DLC1: variants seen among roughly 807,000 people sequenced by gnomAD.
DLC1 encodes rho GTPase-activating protein 7.
Under a neutral mutation model 140.3 loss-of-function variants are expected in DLC1, and 54 were observed. That is an observed-to-expected ratio of 0.38 (90% CI 0.31 to 0.48). The LOEUF is 0.48. DLC1 is among the 20% of genes least tolerant of loss of function. The pLI, the probability that DLC1 is intolerant of heterozygous loss-of-function variation, is 0.96. For missense variants in DLC1, 2,536 were observed against 1,907.0 expected, an observed-to-expected ratio of 1.33 and a Z score of -6.14; for synonymous variants, 986 against 728.1, an observed-to-expected ratio of 1.35 and a Z score of -5.70.
upstream of DLC1, among the ~76,000 whole-genome samples, chr8:13,516,885 C>G (rs1208900956): frequency 1.3e-5 from 2 of 152,090 alleles, no homozygotes; most frequent in African/African-American, 4.8e-5. Flanking sequence ...ATACAAAGTG[C>G]CCAGGTCCAC....
At chr8:13,232,409 C>T (rs1829089724) in intron 5 of DLC1, among the ~76,000 whole-genome samples, 1 of 152,096 alleles carries the variant, frequency 6.6e-6, no homozygotes, top group Non-Finnish European at 1.5e-5. Context: ...TCTTGGCTCA[C>T]TGCAACCTCT....
intron 5 of DLC1, among the ~76,000 whole-genome samples, chr8:13,245,324 C>G (rs1330485819): frequency 1.3e-5 from 2 of 152,156 alleles, no homozygotes; most frequent in Non-Finnish European, 2.9e-5. Flanking sequence ...GCCTTTGAAA[C>G]TCTCCTGGCC....
chr8:13,312,381 A>AC (rs1367189892), intron 4 of DLC1, among the ~76,000 whole-genome samples: 1 of 117,180 alleles, frequency 8.5e-6, no homozygotes, highest in African/African-American at 3.5e-5. Context: ...AAAAAAAAAA[A>AC]AAAAAAATAA....
At chr8:13,591,057 T>C (rs538363659) in intron 1 of DLC1, among the ~76,000 whole-genome samples, 25 of 151,998 alleles carry the variant, frequency 1.6e-4, no homozygotes, top group Non-Finnish European at 1.5e-4. Flanking sequence ...TTATATGACA[T>C]GAGATTAGAG....
At chr8:13,147,312 T>C (rs564028445) in intron 5 of DLC1, among the ~76,000 whole-genome samples, 16 of 152,340 alleles carry the variant, frequency 1.1e-4, no homozygotes, top group African/African-American at 3.8e-4. Flanking sequence ...TGAACTTCCC[T>C]AAATTAGTAT....
intron 5 of DLC1, among the ~76,000 whole-genome samples, chr8:13,120,269 G>A (rs1244155686): frequency 6.7e-6 from 1 of 149,030 alleles, no homozygotes. Context: ...CGTGAACCGG[G>A]GAGGCGGAGG....
At chr8:13,251,192 A>T (rs1829989212) in intron 5 of DLC1, among the ~76,000 whole-genome samples, 1 of 152,060 alleles carries the variant, frequency 6.6e-6, no homozygotes, top group Non-Finnish European at 1.5e-5. Context: ...TTAGGGCCCC[A>T]CCCTTATGAC....
At chr8:13,378,488 C>G (rs1836098795) in intron 4 of DLC1, among the ~76,000 whole-genome samples, 1 of 151,750 alleles carries the variant, frequency 6.6e-6, no homozygotes, top group African/African-American at 2.4e-5. Flanking sequence ...AAGGAACATT[C>G]TTGTGCACTA....
intron 5 of DLC1, among the ~76,000 whole-genome samples, chr8:13,229,913 G>A (rs1007635720): frequency 1.3e-5 from 2 of 152,172 alleles, no homozygotes; most frequent in African/African-American, 4.8e-5. Context: ...AGTCCCATGT[G>A]GACCAAAGAA....
intron 4 of DLC1, among the ~76,000 whole-genome samples, chr8:13,368,978 C>T (rs903735684): frequency 5.3e-5 from 8 of 152,140 alleles, no homozygotes; most frequent in African/African-American, 1.9e-4. Context: ...TGCTCACCAC[C>T]ATGCCTGGCT....
At chr8:13,279,549 G>T (rs1403997090) in intron 5 of DLC1, among the ~76,000 whole-genome samples, 1 of 152,166 alleles carries the variant, frequency 6.6e-6, no homozygotes. Context: ...GCATTTTTGA[G>T]CAAGGCAAAC....
At chr8:13,586,354 A>G (rs1234168955) in intron 1 of DLC1, among the ~76,000 whole-genome samples, 3 of 152,192 alleles carry the variant, frequency 2.0e-5, no homozygotes, top group Non-Finnish European at 4.4e-5. Flanking sequence ...GAAGTAAATC[A>G]GTAAGACTTG....
intron 1 of DLC1, among the ~76,000 whole-genome samples, chr8:13,552,027 A>ATGTGTGTGTGTATATATG (rs1563435931): frequency 1.5e-4 from 21 of 140,502 alleles, no homozygotes; most frequent in Non-Finnish European, 2.9e-4. Flanking sequence ...GTGTATATAT[A>ATGTGTGTGTGTATATATG]TATGTGTGTG....
chr8:13,294,865 A>G (rs1831887161), intron 5 of DLC1, among the ~76,000 whole-genome samples: 1 of 152,192 alleles, frequency 6.6e-6, no homozygotes, highest in Admixed American at 6.5e-5. Flanking sequence ...TCAACTGTAT[A>G]ATGTAGATAA....
intron 2 of DLC1, among the ~76,000 whole-genome samples, chr8:13,415,905 A>C (rs1381950794): frequency 6.6e-6 from 1 of 152,162 alleles, no homozygotes; most frequent in Non-Finnish European, 1.5e-5. Context: ...AGTCCAACTG[A>C]TGTTCTTGTA....
chr8:13,508,338 C>G (rs1802200352), intron 1 of DLC1, among the ~76,000 whole-genome samples: 1 of 152,014 alleles, frequency 6.6e-6, no homozygotes, highest in Non-Finnish European at 1.5e-5. Flanking sequence ...TGAGATCTTT[C>G]TGGGGATATT....
chr8:13,134,634 C>T (rs938898993), intron 5 of DLC1, among the ~76,000 whole-genome samples: 1 of 152,134 alleles, frequency 6.6e-6, no homozygotes, highest in Non-Finnish European at 1.5e-5. Context: ...ACAGAAGACT[C>T]TTCTCCCATT....
intron 5 of DLC1, among the ~76,000 whole-genome samples, chr8:13,216,673 G>T (rs928183109): frequency 6.6e-6 from 1 of 151,986 alleles, no homozygotes; most frequent in Admixed American, 6.6e-5. Context: ...TTAGCCCAGG[G>T]TTTCTCAACC....
At chr8:13,276,521 C>A (rs963398156) in intron 5 of DLC1, 63 of 1,297,658 alleles carry the variant, frequency 4.9e-5, no homozygotes, top group Non-Finnish European at 5.7e-5. Context: ...TTGCGGCTGG[C>A]ACTGCGGCCC....
Sources: allele counts gnomAD v4.1 joint callset (sites outside exome capture counted in the v4.1 genomes callset), GRCh38; gene constraint gnomAD v4.1.1; transcripts MANE v1.5; gene names NCBI Gene and HGNC (gene_info 2026-07-23, HGNC 2026-07-21).